TAS2R1: variants seen among roughly 807,000 people sequenced by gnomAD.
TAS2R1 encodes taste 2 receptor member 1.
For missense variants in TAS2R1, 370 were observed against 353.4 expected (o/e 1.05, Z -0.38); for synonymous variants, 141 against 134.2 (o/e 1.05, Z -0.35).
intron 1 of TAS2R1, among the ~76,000 whole-genome samples, chr5:9,675,239 C>T (rs901683991): frequency 2.0e-5 from 3 of 150,802 alleles, no homozygotes; most frequent in African/African-American, 4.9e-5. Context: ...TGTTAATATG[C>T]TAATATATTC....
the TAS2R1 span, among the ~76,000 whole-genome samples, chr5:9,899,011 C>A: frequency 3.9e-5 from 6 of 152,254 alleles, no homozygotes; most frequent in Admixed American, 3.3e-4. Context: ...AAATGCTAAC[C>A]GTGCCTACCA....
At chr5:9,803,617 C>T in the TAS2R1 span, among the ~76,000 whole-genome samples, 1 of 152,092 alleles carries the variant, frequency 6.6e-6, no homozygotes, top group Non-Finnish European at 1.5e-5. Context: ...AAATATCAGC[C>T]AAGAATTTTG....
chr5:9,736,457 G>A, the TAS2R1 span, among the ~76,000 whole-genome samples: 1 of 152,304 alleles, frequency 6.6e-6, no homozygotes, highest in African/African-American at 2.4e-5. Context: ...AGAGTAGGTG[G>A]ATCAACATCC....
Position 9,629,076 on chromosome 5 carries a change from G to A in TAS2R1, c.*57C>T, listed in dbSNP as rs1739813638. 3 of 1,480,674 alleles carry A rather than the reference G, an allele frequency of 2.0e-6. No homozygotes were observed. Among genetic ancestry groups the A allele is most frequent in the Admixed American group, 4.6e-5 (2 of 43,498 alleles). The allele number at this position is 1,480,674 out of a possible 1,614,324, so 91.7% of individuals were successfully genotyped here. ...TGCTTTGTCTGGCTGAGGGAAGTGT[G>A]GCAGGCATGGGTAAATCATTGAATC... On this transcript the variant is annotated 3_prime_UTR_variant, in exon 1 of 1. Coordinates refer to ENST00000382492, the MANE Select transcript of TAS2R1 (RefSeq NM_019599.3).
chr5:9,791,374 G>A, the TAS2R1 span, among the ~76,000 whole-genome samples: 1 of 152,180 alleles, frequency 6.6e-6, no homozygotes, highest in Non-Finnish European at 1.5e-5. Flanking sequence ...CCCTGGCTGT[G>A]CATTAACATC....
At chr5:9,732,847 T>C in the TAS2R1 span, among the ~76,000 whole-genome samples, 1 of 152,206 alleles carries the variant, frequency 6.6e-6, no homozygotes, top group African/African-American at 2.4e-5. Flanking sequence ...AAGTTGATAT[T>C]TGCAGGGCAG....
intron 1 of TAS2R1, among the ~76,000 whole-genome samples, chr5:9,706,945 T>C (rs1741627803): frequency 6.6e-6 from 1 of 152,104 alleles, no homozygotes; most frequent in Non-Finnish European, 1.5e-5. Context: ...TTTTAAAAAA[T>C]ATTTTTCTTC....
the TAS2R1 span, among the ~76,000 whole-genome samples, chr5:9,727,454 C>A: frequency 6.6e-6 from 1 of 152,144 alleles, no homozygotes; most frequent in Non-Finnish European, 1.5e-5. Context: ...TCAACTCAGG[C>A]AGGTAATCTT....
the TAS2R1 span, among the ~76,000 whole-genome samples, chr5:9,758,549 A>C: frequency 6.6e-6 from 1 of 152,216 alleles, no homozygotes; most frequent in African/African-American, 2.4e-5. Context: ...CAGAGAAGAG[A>C]CCATTATTGT....
rs759627187 is a variant in TAS2R1 at position 9,629,388 on chromosome 5, G to A, written c.645C>T (p.Ser215=). Residue 215 remains serine, a synonymous_variant, in exon 1 of 1, where the codon AGC becomes AGT. Transcript: ENST00000382492. ...TRQMRNTVAG[S]RVPGRGAPIS... is the part of the protein sequence containing the mutation. Reference sequence around the variant, plus strand: ...TGGGTGCACCCCTGCCAGGAACCCTGCTGCCGGCCACTGTGTTTCTCATTT... The same window carrying A: ...TGGGTGCACCCCTGCCAGGAACCCTACTGCCGGCCACTGTGTTTCTCATTT... 47 of 1,614,038 alleles carry A rather than the reference G, an allele frequency of 2.9e-5. No individual in the cohort carries two copies. Among genetic ancestry groups the A allele is most frequent in the Non-Finnish European group, 4.0e-5 (47 of 1,180,034 alleles).
chr5:9,770,806 C>T, the TAS2R1 span, among the ~76,000 whole-genome samples: 2 of 152,040 alleles, frequency 1.3e-5, no homozygotes, highest in Non-Finnish European at 1.5e-5. Context: ...TTGGTGGACT[C>T]GTTAGGTTTT....
At chr5:9,632,719 C>T (rs1739891961), upstream of TAS2R1, among the ~76,000 whole-genome samples, 1 of 152,174 alleles carries the variant, frequency 6.6e-6, no homozygotes, top group Non-Finnish European at 1.5e-5. Context: ...AAAACATCAT[C>T]ATAAGATGAC....
chr5:9,730,993 C>T, the TAS2R1 span, among the ~76,000 whole-genome samples: 1 of 152,132 alleles, frequency 6.6e-6, no homozygotes, highest in Non-Finnish European at 1.5e-5. Context: ...TTATAAATCA[C>T]CCAGTTTCAG....
At chr5:9,745,731 C>A in the TAS2R1 span, among the ~76,000 whole-genome samples, 1 of 152,138 alleles carries the variant, frequency 6.6e-6, no homozygotes, top group Non-Finnish European at 1.5e-5. Context: ...AAAACAGAAA[C>A]TGGACCCTTT....
At chr5:9,887,921 G>A in the TAS2R1 span, among the ~76,000 whole-genome samples, 7 of 152,152 alleles carry the variant, frequency 4.6e-5, no homozygotes, top group Admixed American at 4.6e-4. Context: ...CAGGAAAGCA[G>A]GTGGGGAGTA....
In TAS2R1 at chr5:9,685,141, G is replaced by A. The variant is rs147500735; in HGVS notation, c.-241-25560C>T. 1.2e-4 allele frequency among the ~76,000 whole-genome samples: 18 copies of A among 152,260 alleles called. No homozygotes were observed. The East Asian group carries it at 3.5e-3, about 29-fold the overall frequency. On this transcript the variant is annotated intron_variant, in intron 1 of 2. Transcript: ENST00000506620. ...TGGATTAGCAGCAGAGATCTGAGAGGCATTCAAGGGAAAGTCAAAGGGAGA... is the reference window on the plus strand; with the variant it reads ...TGGATTAGCAGCAGAGATCTGAGAGACATTCAAGGGAAAGTCAAAGGGAGA...
intron 2 of TAS2R1, among the ~76,000 whole-genome samples, chr5:9,655,044 A>T (rs1054701220): frequency 6.6e-6 from 1 of 152,244 alleles, no homozygotes. Flanking sequence ...AAGGCCAGAC[A>T]CAACAAAGAA....
intron 1 of TAS2R1, among the ~76,000 whole-genome samples, chr5:9,691,047 A>G (rs889657834): frequency 5.3e-5 from 8 of 152,216 alleles, no homozygotes; most frequent in African/African-American, 1.9e-4. Flanking sequence ...TGGTCCCCAG[A>G]AAGATATGTC....
the TAS2R1 span, among the ~76,000 whole-genome samples, chr5:9,802,640 C>T: frequency 2.0e-5 from 3 of 152,178 alleles, no homozygotes; most frequent in East Asian, 1.9e-4. Flanking sequence ...CGGTGGCTTA[C>T]ACCTGTAATC....
Sources: allele counts gnomAD v4.1 joint callset (sites outside exome capture counted in the v4.1 genomes callset), GRCh38; gene constraint gnomAD v4.1.1; transcripts MANE v1.5; gene names NCBI Gene and HGNC (gene_info 2026-07-23, HGNC 2026-07-21).